FHIT: variants seen among roughly 807,000 people sequenced by gnomAD.
The protein encoded by FHIT is fragile histidine triad diadenosine triphosphatase.
FHIT carries 19 observed loss-of-function variants against 17.9 expected under a neutral mutation model. The observed-to-expected ratio is 1.06, with a 90% confidence interval of 0.74 to 1.56. The LOEUF (loss-of-function observed/expected upper bound fraction) is 1.56. Among genes scored for constraint, FHIT ranks in the 40% most tolerant of loss-of-function variants. The probability of loss-of-function intolerance (pLI) is 0.00; values close to 1 mark genes in which losing one functional copy is unlikely to be tolerated. For synonymous variants in FHIT, 81 were observed against 69.7 expected (o/e 1.16, Z -0.81); for missense variants, 248 against 189.2 (o/e 1.31, Z -1.82).
rs144880903 is a variant in FHIT, at chr3:60,803,451, G to A, written c.-18+18468C>T. ...GTAAAGACTCTTCCGCCCCATTCACGTTCATTCAGCTCTTTCTAGGGGAAA... is the reference window on the plus strand; with the variant it reads ...GTAAAGACTCTTCCGCCCCATTCACATTCATTCAGCTCTTTCTAGGGGAAA... On this transcript the variant is annotated intron_variant, in intron 4 of 9. Coordinates refer to ENST00000492590, the MANE Select transcript of FHIT (RefSeq NM_002012.4). Among the ~76,000 whole-genome samples the A allele has an allele frequency of 1.8e-3, 280 of 152,280 alleles. 1 individual carries two copies. The highest frequency in any genetic ancestry group is 6.5e-3 in the African/African-American group (272 of 41,546).
chr3:60,584,293 T>C (rs1488385267), intron 4 of FHIT, among the ~76,000 whole-genome samples: 2 of 151,990 alleles, frequency 1.3e-5, no homozygotes, highest in African/African-American at 2.4e-5. Context: ...AAATTAGGCT[T>C]TTTTTCCCCT....
In FHIT at chr3:60,838,220, C is replaced by A. The variant is rs1183706480; in HGVS notation, c.-110-16209G>T. 2.0e-5 allele frequency among the ~76,000 whole-genome samples: 3 copies of A among 152,206 alleles called. No homozygotes were observed. In the East Asian group the frequency reaches 5.8e-4, roughly 29 times the overall value. ...GGGCGTGGTGGCTCACGCCTGTAAT[C>A]CCAGCACTTTGGGAAGCCGAGGCAG... On this transcript the variant is annotated intron_variant, in intron 3 of 9. Coordinates refer to ENST00000492590, the MANE Select transcript of FHIT (RefSeq NM_002012.4).
At chr3:59,858,938 C>G (rs954851579) in intron 8 of FHIT, among the ~76,000 whole-genome samples, 12 of 152,094 alleles carry the variant, frequency 7.9e-5, no homozygotes, top group Non-Finnish European at 1.5e-4. Context: ...TTTGTGTGGA[C>G]TTATATGTAC....
intron 5 of FHIT, among the ~76,000 whole-genome samples, chr3:60,441,686 A>G (rs2030814434): frequency 7.2e-6 from 1 of 139,626 alleles, no homozygotes; most frequent in African/African-American, 2.7e-5. Flanking sequence ...TTGATATTTG[A>G]TGCATCTGTA....
chr3:60,107,690 G>A (rs1265055893), intron 5 of FHIT, among the ~76,000 whole-genome samples: 1 of 152,114 alleles, frequency 6.6e-6, no homozygotes, highest in Non-Finnish European at 1.5e-5. Flanking sequence ...CATTTGCAAG[G>A]AATAGCTTAA....
chr3:60,079,456 A>C (rs1703180097), intron 5 of FHIT, among the ~76,000 whole-genome samples: 2 of 151,936 alleles, frequency 1.3e-5, no homozygotes, highest in Admixed American at 1.3e-4. Context: ...GAACAGTTAA[A>C]AATAGTTTTT....
chr3:61,184,001 C>T (rs1321377486), intron 2 of FHIT, among the ~76,000 whole-genome samples: 1 of 152,002 alleles, frequency 6.6e-6, no homozygotes, highest in Non-Finnish European at 1.5e-5. Context: ...GTCTGAATCT[C>T]CTATACTTGT....
intron 5 of FHIT, among the ~76,000 whole-genome samples, chr3:60,355,191 C>T (rs1420381446): frequency 1.3e-5 from 2 of 152,130 alleles, no homozygotes; most frequent in East Asian, 1.9e-4. Context: ...CGTCATGTAA[C>T]ACTGGAACAA....
chr3:59,864,438 G>C (rs1315330071), intron 8 of FHIT, among the ~76,000 whole-genome samples: 2 of 152,136 alleles, frequency 1.3e-5, no homozygotes, highest in Non-Finnish European at 2.9e-5. Flanking sequence ...ATGTGGAACT[G>C]TAAGTCCAAT....
At chr3:60,663,182 TG>T (rs1553691651) in intron 4 of FHIT, among the ~76,000 whole-genome samples, 1 of 37,304 alleles carries the variant, frequency 2.7e-5, no homozygotes, top group Admixed American at 2.4e-4. Context: ...TTGGGTTGGT[TG>T]ATTCTTCCCA....
intron 2 of FHIT, among the ~76,000 whole-genome samples, chr3:61,044,220 A>G (rs1418494190): frequency 1.3e-5 from 2 of 152,232 alleles, no homozygotes; most frequent in East Asian, 3.9e-4. Flanking sequence ...ATCACAAAGA[A>G]GCTAAAAACC....
At chr3:60,789,891 T>G (rs1700718055) in intron 4 of FHIT, among the ~76,000 whole-genome samples, 1 of 152,234 alleles carries the variant, frequency 6.6e-6, no homozygotes, top group African/African-American at 2.4e-5. Flanking sequence ...AGAGTTGGCA[T>G]GTGTTGTACC....
At position 60,063,031 on chromosome 3, in the gene FHIT, T is replaced by C. The variant is rs147288947; in HGVS notation, c.104-48879A>G. On this transcript the variant is annotated intron_variant, in intron 5 of 9. Coordinates refer to ENST00000492590, the MANE Select transcript of FHIT (RefSeq NM_002012.4). ...CAATATCTCCCAGTTCACAACTAAA[T>C]TAAAATAATGCCTGGGGAGAAGACT... Among the ~76,000 whole-genome samples, 405 of 152,214 alleles carry C rather than the reference T, an allele frequency of 2.7e-3. 4 individuals are homozygous for C. The highest frequency in any genetic ancestry group is 8.9e-3 in the South Asian group (43 of 4,824).
intron 8 of FHIT, among the ~76,000 whole-genome samples, chr3:59,783,713 C>T (rs1366208315): frequency 1.3e-5 from 2 of 152,154 alleles, no homozygotes; most frequent in Admixed American, 6.5e-5. Flanking sequence ...ATGTGGTGAG[C>T]ACACACCTCC....
At chr3:61,071,400 G>T (rs2034801650) in intron 2 of FHIT, among the ~76,000 whole-genome samples, 1 of 149,410 alleles carries the variant, frequency 6.7e-6, no homozygotes, top group Non-Finnish European at 1.5e-5. Context: ...TTCAAAGACT[G>T]TATCCTGATC....
At chr3:60,062,613 T>C (rs1008702597) in intron 5 of FHIT, among the ~76,000 whole-genome samples, 1 of 152,176 alleles carries the variant, frequency 6.6e-6, no homozygotes, top group Non-Finnish European at 1.5e-5. Flanking sequence ...GCTGGATTTA[T>C]CCTAAGAAGG....
chr3:59,893,696 T>C (rs570515136), intron 8 of FHIT, among the ~76,000 whole-genome samples: 2 of 152,222 alleles, frequency 1.3e-5, no homozygotes, highest in South Asian at 4.1e-4. Context: ...GAAAAGTTAC[T>C]TATGAGATAT....
intron 2 of FHIT, among the ~76,000 whole-genome samples, chr3:61,134,100 T>TACACACACACACACAC (rs150931006): frequency 0.11 from 14,828 of 134,720 alleles, 1,070 homozygotes; most frequent in Non-Finnish European, 0.14. Context: ...CACACACACA[T>TACACACACACACACAC]ACACACACAC....
chr3:60,454,135 G>T (rs1399279693), intron 5 of FHIT, among the ~76,000 whole-genome samples: 1 of 152,052 alleles, frequency 6.6e-6, no homozygotes, highest in East Asian at 1.9e-4. Context: ...TCACATCTTG[G>T]TGTAGGAATA....
Sources: gnomAD v4.1 joint callset for allele counts (sites outside exome capture counted in the v4.1 genomes callset) on GRCh38, gnomAD v4.1.1 for gene constraint, MANE v1.5 for transcripts, NCBI Gene and HGNC (gene_info 2026-07-23, HGNC 2026-07-21) for gene names.